RABL2B: variants seen among roughly 807,000 people sequenced by gnomAD.
The protein encoded by RABL2B is RAB, member of RAS oncogene family like 2B.
Under a neutral mutation model 26.7 loss-of-function variants are expected in RABL2B, and 17 were observed. That is an observed-to-expected ratio of 0.64 (90% CI 0.44 to 0.95). The LOEUF is 0.95. Ranked by LOEUF, RABL2B falls within the 40% of genes least tolerant of loss-of-function variation. The pLI is 0.00. For missense variants in RABL2B, 170 were observed against 277.2 expected, an observed-to-expected ratio of 0.61 and a Z score of 2.75; for synonymous variants, 70 against 103.9, an observed-to-expected ratio of 0.67 and a Z score of 1.99.
intron 4 of RABL2B, 37 bp from the exon 5 acceptor site, chr22:50,775,888 G>T: frequency 6.2e-7 from 1 of 1,614,102 alleles, no homozygotes; most frequent in Non-Finnish European, 8.5e-7. Context: ...CATGCCTGGT[G>T]CACTTCTGTG....
At chr22:50,776,166 A>C (rs1603450439) in intron 4 of RABL2B, among the ~76,000 whole-genome samples, 1 of 152,246 alleles carries the variant, frequency 6.6e-6, no homozygotes, top group African/African-American at 2.4e-5. Flanking sequence ...GGGTCCTCTA[A>C]GTTCCAAACT....
chr22:50,775,922 A>C lies in RABL2B; in HGVS notation c.218-71T>G, dbSNP rs545826005. On this transcript the variant is annotated intron_variant, in intron 4 of 8. Transcript: ENST00000691320. The stretch of plus-strand genomic sequence containing the variant: ...TGCAAGTCACTAAGATACAACACAC[A>C]TGCGGCACAAACCACAGCACATGTG... 44 of 1,596,542 alleles carry C rather than the reference A, an allele frequency of 2.8e-5. No individual in the cohort carries two copies. The African/African-American group carries it at 5.5e-4, about 20-fold the overall frequency.
Position 50,776,663 on chromosome 22 carries a change from C to T in RABL2B, c.217+7G>A. ...GGGTCAGCATGTCTTGGCCCTGTGC[C>T]ACTTACCCACAAGGATGGTCCTTCC... On this transcript the variant is annotated splice_region_variant and intron_variant, in intron 4 of 8. Coordinates refer to ENST00000691320, the MANE Select transcript of RABL2B (RefSeq NM_001130919.3). 6.2e-7 allele frequency: 1 copy of T among 1,604,232 alleles called. No individual in the cohort carries two copies. Among genetic ancestry groups the T allele is most frequent in the Non-Finnish European group, 8.5e-7 (1 of 1,175,162 alleles).
rs1200870194 is a variant in RABL2B at position 50,767,727 on chromosome 22, C to G, written c.*1049G>C. ...ACTATTCCTCAAAAAAAAGGACAGC[C>G]TCTTTATGCTGAAATAGGAACTTTA... On this transcript the variant is annotated 3_prime_UTR_variant, in exon 9 of 9. Transcript: ENST00000691320. 1 of 454,928 alleles carries G rather than the reference C, an allele frequency of 2.2e-6. No individual in the cohort carries two copies. The highest frequency in any genetic ancestry group is 7.0e-5 in the East Asian group (1 of 14,332). 28.2% of individuals were successfully genotyped at this position (454,928 alleles called of 1,614,324 possible). A position where few individuals can be genotyped will look rare whatever the true frequency, so the allele number is the denominator to read the frequency against.
At chr22:50,775,329 G>C (rs553593923) in intron 5 of RABL2B, among the ~76,000 whole-genome samples, 4 of 152,102 alleles carry the variant, frequency 2.6e-5, no homozygotes, top group Non-Finnish European at 5.9e-5. Flanking sequence ...TGGGAGGCTC[G>C]GGGGGAGGCG....
In RABL2B at chr22:50,781,198, G is replaced by A. The variant is rs1245396934; in HGVS notation, c.107+990C>T. Among the ~76,000 whole-genome samples, 7 of 152,184 alleles carry A rather than the reference G, an allele frequency of 4.6e-5. No individual in the cohort carries two copies. In the South Asian group the frequency reaches 6.2e-4, roughly 14 times the overall value. On this transcript the variant is annotated intron_variant, in intron 2 of 8. Transcript: ENST00000691320. ...TACTAAAAATACAAAAATAAAATTA[G>A]CTGGGTGTGGTGGCAGGCGCCTGTA...
Position 50,767,890 on chromosome 22 carries a change from G to A in RABL2B, c.*886C>T. 1 of 354,976 alleles carries A rather than the reference G, an allele frequency of 2.8e-6. No individual in the cohort carries two copies. The highest frequency in any genetic ancestry group is 5.4e-6 in the Non-Finnish European group (1 of 184,118). 22.0% of individuals were successfully genotyped at this position (354,976 alleles called of 1,614,324 possible). A position where few individuals can be genotyped will look rare whatever the true frequency, so the allele number is the denominator to read the frequency against. On this transcript the variant is annotated 3_prime_UTR_variant, in exon 9 of 9. Transcript: ENST00000691320. The stretch of plus-strand genomic sequence containing the variant: ...TGTGATCTCAGCTTTACCTAGAAGA[G>A]CTCCTGAAACAGAATGGGTACACGA...
At chr22:50,776,801 T>TG in intron 3 of RABL2B, 52 bp from the exon 4 acceptor site, 1 of 1,562,962 alleles carries the variant, frequency 6.4e-7, no homozygotes, top group African/African-American at 1.4e-5. Flanking sequence ...AAGGAAGGAG[T>TG]GGGGAGCAGG....
At chr22:50,772,381 C>G (rs1448608225) in intron 5 of RABL2B, 2 of 985,486 alleles carry the variant, frequency 2.0e-6, no homozygotes, top group Non-Finnish European at 2.4e-6. Flanking sequence ...TGCAAACCAG[C>G]TCTTAAGGGC....
chr22:50,772,966 C>T, intron 5 of RABL2B: 1 of 1,289,698 alleles, frequency 7.8e-7, no homozygotes, highest in Non-Finnish European at 1.0e-6. Context: ...CAAGTGCTTT[C>T]TACTCGCCAG....
At chr22:50,776,850 T>C (rs2085069056) in intron 3 of RABL2B, 101 bp from the exon 4 acceptor site, 2 of 1,472,966 alleles carry the variant, frequency 1.4e-6, no homozygotes, top group Non-Finnish European at 1.8e-6. Flanking sequence ...TCCCTCCTCT[T>C]CTCTTTGGAG....
chr22:50,779,543 G>C (rs1312392744), intron 2 of RABL2B, among the ~76,000 whole-genome samples: 11 of 151,412 alleles, frequency 7.3e-5, no homozygotes, highest in Non-Finnish European at 1.5e-5. Flanking sequence ...GTTTTGGGTG[G>C]GGGGGGTGTG....
rs1189311934 is a variant in RABL2B at position 50,780,833 on chromosome 22, T to G, written c.107+1355A>C. On this transcript the variant is annotated intron_variant, in intron 2 of 8. Transcript: ENST00000691320. ...AGAGACTAGCATTGAACTTGGGAGCTGGGTATACCAAGATACATTCTCCGA... is the reference window on the plus strand; with the variant it reads ...AGAGACTAGCATTGAACTTGGGAGCGGGGTATACCAAGATACATTCTCCGA... 3.0e-4 allele frequency: 129 copies of G among 424,842 alleles called. 1 individual carries two copies. The highest frequency in any genetic ancestry group is 5.9e-5 in the Non-Finnish European group (12 of 204,474). 26.3% of individuals were successfully genotyped at this position (424,842 alleles called of 1,614,324 possible).
In RABL2B at chr22:50,767,555, C is replaced by T. The variant is rs181019235; in HGVS notation, c.*1221G>A. ...AAAAAAGGAAACAACAAAAACAAAACCCTATTAATAAACACAATGCAAACA... is the reference window on the plus strand; with the variant it reads ...AAAAAAGGAAACAACAAAAACAAAATCCTATTAATAAACACAATGCAAACA... On this transcript the variant is annotated 3_prime_UTR_variant, in exon 9 of 9. Transcript: ENST00000691320. 4.5e-5 allele frequency: 15 copies of T among 335,198 alleles called. No homozygotes were observed. Among genetic ancestry groups the T allele is most frequent in the Admixed American group, 1.3e-4 (3 of 22,372 alleles). The allele number at this position is 335,198 out of a possible 1,614,324, so 20.8% of individuals were successfully genotyped here.
chr22:50,776,657 C>T lies in RABL2B; in HGVS notation c.217+13G>A. 1 of 1,600,648 alleles carries T rather than the reference C, an allele frequency of 6.2e-7. No homozygotes were observed. Among genetic ancestry groups the T allele is most frequent in the Non-Finnish European group, 8.5e-7 (1 of 1,173,290 alleles). Reference sequence around the variant, plus strand: ...TCCTGAGGGTCAGCATGTCTTGGCCCTGTGCCACTTACCCACAAGGATGGT... The same window carrying T: ...TCCTGAGGGTCAGCATGTCTTGGCCTTGTGCCACTTACCCACAAGGATGGT... On this transcript the variant is annotated intron_variant, in intron 4 of 8. Transcript: ENST00000691320.
Position 50,770,163 on chromosome 22 carries a change from G to A in RABL2B, c.298-147C>T, listed in dbSNP as rs1165995231. The A allele has an allele frequency of 5.9e-4, 780 of 1,318,958 alleles. 2 individuals are homozygous for A. The highest frequency in any genetic ancestry group is 7.5e-4 in the Non-Finnish European group (726 of 971,236). The allele number at this position is 1,318,958 out of a possible 1,614,324, so 81.7% of individuals were successfully genotyped here. ...CTGAATTGCAGCCTCTCTGACCGCA[G>A]AGGCTGCCGTTTCTCAGGGAAGCCC... On this transcript the variant is annotated intron_variant, in intron 5 of 8. Transcript: ENST00000691320.
intron 2 of RABL2B, among the ~76,000 whole-genome samples, chr22:50,781,563 C>T (rs1262835685): frequency 9.2e-5 from 14 of 152,076 alleles, no homozygotes; most frequent in Admixed American, 2.6e-4. Flanking sequence ...GGGAGATAAA[C>T]GTGACCACTT....
intron 2 of RABL2B, among the ~76,000 whole-genome samples, chr22:50,779,863 C>T (rs1555927211): frequency 6.6e-6 from 1 of 152,068 alleles, no homozygotes; most frequent in African/African-American, 2.4e-5. Flanking sequence ...TGCCTGTAAT[C>T]CCAGCTACTC....
intron 2 of RABL2B, chr22:50,780,521 C>T: frequency 5.5e-6 from 2 of 364,482 alleles, no homozygotes; most frequent in South Asian, 2.2e-5. Flanking sequence ...TTTAGCCCAA[C>T]TGAGTTTAGA....
Sources: gnomAD v4.1 joint callset for allele counts (sites outside exome capture counted in the v4.1 genomes callset) on GRCh38, gnomAD v4.1.1 for gene constraint, MANE v1.5 for transcripts, NCBI Gene and HGNC (gene_info 2026-07-23, HGNC 2026-07-21) for gene names.